Variants in CPED1 observed in about 807,000 individuals in gnomAD.
CPED1 encodes the protein cadherin like and PC-esterase domain containing 1.
Under a neutral mutation model 128.2 loss-of-function variants are expected in CPED1, and 114 were observed. The ratio of observed to expected loss-of-function variants is 0.89; its 90% confidence interval spans 0.76 to 1.04. The LOEUF (loss-of-function observed/expected upper bound fraction) is 1.04. Ranked by LOEUF, CPED1 falls within the 50% of genes least tolerant of loss-of-function variation. CPED1 has a pLI of 0.00. For missense variants in CPED1, 1,211 were observed against 1,207.1 expected (o/e 1.00, Z -0.05); for synonymous variants, 462 against 426.7 (o/e 1.08, Z -1.02).
intron 3 of CPED1, among the ~76,000 whole-genome samples, chr7:121,044,648 C>CTTTTTTTGTTTTTTTTTT (rs35159862): frequency 1.4e-5 from 1 of 69,540 alleles, no homozygotes; most frequent in Admixed American, 2.1e-4. Flanking sequence ...TGACTTTCTG[C>CTTTTTTTGTTTTTTTTTT]TCTTTTTTTT....
intron 18 of CPED1, among the ~76,000 whole-genome samples, chr7:121,264,389 G>A (rs149132154): frequency 1.3e-5 from 2 of 152,144 alleles, no homozygotes; most frequent in African/African-American, 4.8e-5. Context: ...AAGGTTGAAT[G>A]TAGTAAGAAG....
chr7:121,069,068 C>T (rs1793926725), intron 5 of CPED1, among the ~76,000 whole-genome samples: 1 of 152,052 alleles, frequency 6.6e-6, no homozygotes, highest in Non-Finnish European at 1.5e-5. Context: ...TTCCTTTGCT[C>T]TGGAGTGAGG....
At chr7:121,177,349 T>A (rs556685027) in intron 16 of CPED1, among the ~76,000 whole-genome samples, 13 of 152,080 alleles carry the variant, frequency 8.5e-5, no homozygotes, top group African/African-American at 2.7e-4. Flanking sequence ...TTAGTTGATA[T>A]TAGTTCTGTC....
chr7:121,222,597 T>C (rs1797907978), intron 16 of CPED1, among the ~76,000 whole-genome samples: 1 of 152,204 alleles, frequency 6.6e-6, no homozygotes, highest in Non-Finnish European at 1.5e-5. Flanking sequence ...GCATGAAATG[T>C]TCTTCCGTTT....
intron 16 of CPED1, among the ~76,000 whole-genome samples, chr7:121,195,800 A>G (rs573333003): frequency 2.3e-4 from 35 of 152,268 alleles, no homozygotes; most frequent in African/African-American, 6.5e-4. Context: ...TATTACCGGT[A>G]TCTTGACTTC....
Position 121,271,283 on chromosome 7 carries a change from G to T in CPED1, c.2722-1G>T. Reference sequence around the variant, plus strand: ...TTCTCATTCTTCTGCTTTCCAATCAGAGTGAAGTACAGAACTTATGGAAAG... The same window carrying T: ...TTCTCATTCTTCTGCTTTCCAATCATAGTGAAGTACAGAACTTATGGAAAG... On this transcript the variant is annotated splice_acceptor_variant, in intron 21 of 22. Coordinates refer to ENST00000310396, the MANE Select transcript of CPED1 (RefSeq NM_024913.5). LOFTEE classifies it high-confidence loss of function. The T allele has an allele frequency of 6.2e-7, 1 of 1,605,984 alleles. No individual in the cohort carries two copies. Among genetic ancestry groups the T allele is most frequent in the East Asian group, 2.2e-5 (1 of 44,608 alleles).
intron 14 of CPED1, among the ~76,000 whole-genome samples, chr7:121,137,899 G>T (rs1410785278): frequency 6.6e-6 from 1 of 152,032 alleles, no homozygotes; most frequent in Non-Finnish European, 1.5e-5. Flanking sequence ...AAGCAACTTC[G>T]CCTCTTTGGG....
chr7:121,003,708 T>G (rs1791927170), intron 2 of CPED1, among the ~76,000 whole-genome samples: 1 of 151,758 alleles, frequency 6.6e-6, no homozygotes, highest in Non-Finnish European at 1.5e-5. Context: ...CAGGGTAGAG[T>G]GGAGGCACCT....
chr7:121,242,509 T>C (rs1798420601), intron 17 of CPED1, among the ~76,000 whole-genome samples: 1 of 152,234 alleles, frequency 6.6e-6, no homozygotes, highest in Non-Finnish European at 1.5e-5. Flanking sequence ...GAGTATATAC[T>C]TAATGTATTA....
intron 2 of CPED1, among the ~76,000 whole-genome samples, chr7:120,994,655 G>GT (rs201984809): frequency 0.19 from 28,685 of 147,582 alleles, 2,831 homozygotes; most frequent in African/African-American, 0.22. Flanking sequence ...GTGTGTGTGT[G>GT]TGTGTTGTTG....
rs955607779 is a variant in CPED1 at position 121,297,123 on chromosome 7, T to G, written c.*1471T>G. The G allele has an allele frequency of 1.3e-5, 2 of 151,720 alleles. No individual in the cohort carries two copies. The highest frequency in any genetic ancestry group is 2.4e-5 in the African/African-American group (1 of 41,142). 9.4% of individuals were successfully genotyped at this position (151,720 alleles called of 1,614,324 possible). A position where few individuals can be genotyped will look rare whatever the true frequency, so the allele number is the denominator to read the frequency against. ...CAAATCTGCATCTTACAGATGATAA[T>G]TTTTTTAGAAGAATGATACAGAATT... On this transcript the variant is annotated 3_prime_UTR_variant, in exon 23 of 23. Transcript: ENST00000310396.
In CPED1 at chr7:121,100,080, C is replaced by T. The variant is rs145131821; in HGVS notation, c.904C>T (p.Arg302Cys). The change falls in exon 7 of 23, where the codon CGC becomes TGC. Residue 302 changes from arginine (R) to cysteine (C), a missense_variant. Coordinates refer to ENST00000310396, the MANE Select transcript of CPED1 (RefSeq NM_024913.5). ...AGTTTGGAATCCACCAAAGAAAAAA[C>T]GCTTCACTGTCAAGGTAAGCTCTCG... is the stretch of plus-strand genomic sequence containing the variant. ...GTVWNPPKKKRFTVKLQTFFE... is the reference protein window; with the variant it reads ...GTVWNPPKKKCFTVKLQTFFE... 1.9e-4 allele frequency: 312 copies of T among 1,613,314 alleles called. 1 individual carries two copies. In the South Asian group the frequency reaches 2.5e-3, roughly 13 times the overall value.
intron 15 of CPED1, among the ~76,000 whole-genome samples, 177 bp downstream of exon 15, chr7:121,141,190 C>T (rs1264341108): frequency 2.0e-5 from 3 of 151,842 alleles, no homozygotes; most frequent in African/African-American, 7.3e-5. Flanking sequence ...TGCAGCTCAT[C>T]TTTGTAACAA....
intron 4 of CPED1, among the ~76,000 whole-genome samples, chr7:121,058,549 A>T (rs1793563033): frequency 6.6e-6 from 1 of 152,292 alleles, no homozygotes; most frequent in East Asian, 1.9e-4. Context: ...ACAGATGAGG[A>T]GACTGAGGCA....
At chr7:121,048,747 C>G (rs1160296797) in intron 4 of CPED1, among the ~76,000 whole-genome samples, 1 of 152,124 alleles carries the variant, frequency 6.6e-6, no homozygotes, top group Non-Finnish European at 1.5e-5. Flanking sequence ...CTGTGTTGAC[C>G]AGGCTGGTCT....
intron 5 of CPED1, among the ~76,000 whole-genome samples, chr7:121,078,034 A>G (rs914306373): frequency 1.3e-5 from 2 of 150,286 alleles, no homozygotes; most frequent in Non-Finnish European, 2.9e-5. Context: ...ATACTACTAT[A>G]TGATTTGTAT....
At chr7:121,203,743 C>G (rs1797455850) in intron 16 of CPED1, among the ~76,000 whole-genome samples, 1 of 152,174 alleles carries the variant, frequency 6.6e-6, no homozygotes. Context: ...GGAATTCTGA[C>G]TAAGTGTCAT....
At chr7:121,053,877 G>A (rs1793425782) in intron 4 of CPED1, among the ~76,000 whole-genome samples, 1 of 152,058 alleles carries the variant, frequency 6.6e-6, no homozygotes, top group African/African-American at 2.4e-5. Flanking sequence ...TAAATTTTTT[G>A]TTGTTGCTCA....
At chr7:121,088,883 T>A (rs1174614193) in intron 5 of CPED1, among the ~76,000 whole-genome samples, 3 of 151,434 alleles carry the variant, frequency 2.0e-5, no homozygotes, top group African/African-American at 7.3e-5. Context: ...TGGCTCAAAT[T>A]AATTGGATAA....
Sources: gnomAD v4.1 joint callset for allele counts (sites outside exome capture counted in the v4.1 genomes callset) on GRCh38, gnomAD v4.1.1 for gene constraint, MANE v1.5 for transcripts, NCBI Gene and HGNC (gene_info 2026-07-23, HGNC 2026-07-21) for gene names.